The following FBXO34 variants were observed in gnomAD, a reference collection of about 807,000 sequenced individuals.
The protein encoded by FBXO34 is F-box only protein 34.
FBXO34 carries 12 observed loss-of-function variants against 24.5 expected under a neutral mutation model. That is an observed-to-expected ratio of 0.49 (90% confidence interval 0.31 to 0.79). The LOEUF is 0.79. Among genes scored for constraint, FBXO34 ranks in the 30% least tolerant of loss-of-function variants. The pLI is 0.04. For missense variants in FBXO34, 823 were observed against 857.7 expected, an observed-to-expected ratio of 0.96 and a Z score of 0.51; for synonymous variants, 320 against 311.9, an observed-to-expected ratio of 1.03 and a Z score of -0.27.
At chr14:55,285,982 C>G (rs1881748310) in intron 1 of FBXO34, among the ~76,000 whole-genome samples, 1 of 152,296 alleles carries the variant, frequency 6.6e-6, no homozygotes, top group Middle Eastern at 3.4e-3. Flanking sequence ...TTTAGATGTT[C>G]AGTCAAAATT....
downstream of FBXO34, among the ~76,000 whole-genome samples, chr14:55,372,567 C>CT (rs1884843068): frequency 6.9e-6 from 1 of 144,360 alleles, no homozygotes; most frequent in African/African-American, 2.8e-5. Flanking sequence ...CCCTCCCTCC[C>CT]TTCTTTCCAT....
At chr14:55,414,752 G>C in the FBXO34 span, among the ~76,000 whole-genome samples, 2 of 152,196 alleles carry the variant, frequency 1.3e-5, no homozygotes, top group Admixed American at 1.3e-4. Context: ...TATGGCCTCA[G>C]AGTAATTTCA....
chr14:55,378,189 A>G, the FBXO34 span: 1 of 780,926 alleles, frequency 1.3e-6, no homozygotes, highest in Non-Finnish European at 2.1e-6. Context: ...TTTACTCCTT[A>G]GTAAATTGCA....
intron 1 of FBXO34, among the ~76,000 whole-genome samples, chr14:55,338,702 A>G (rs1014954756): frequency 1.3e-5 from 2 of 151,932 alleles, no homozygotes; most frequent in African/African-American, 4.8e-5. Flanking sequence ...AGGTCAGGAG[A>G]TCGAGACCAT....
chr14:55,372,730 C>G (rs1884847236), downstream of FBXO34, among the ~76,000 whole-genome samples: 1 of 152,000 alleles, frequency 6.6e-6, no homozygotes, highest in African/African-American at 2.4e-5. Context: ...TCTTTCCTCC[C>G]TCCCTCCAAG....
At chr14:55,394,770 A>C in the FBXO34 span, among the ~76,000 whole-genome samples, 1 of 152,210 alleles carries the variant, frequency 6.6e-6, no homozygotes, top group South Asian at 2.1e-4. Context: ...CATTAAATGC[A>C]GGACTGTGAC....
Position 55,351,069 on chromosome 14 carries a change from A to G in FBXO34, c.679A>G (p.Lys227Glu). The change falls in exon 2 of 2, where the codon AAA becomes GAA. Residue 227 changes from lysine (K) to glutamate (E), a missense_variant. Coordinates refer to ENST00000313833, the MANE Select transcript of FBXO34 (RefSeq NM_017943.4). ...CAGTGCTCTGCTAGCTAGCTGTTCA[A>G]AAAACTGCACAAACTCACCTGCAAT... ...RASALLASCSKNCTNSPAIVR... is the reference protein window; with the variant it reads ...RASALLASCSENCTNSPAIVR... 2 of 1,614,232 alleles carry G rather than the reference A, an allele frequency of 1.2e-6. No homozygotes were observed. Among genetic ancestry groups the G allele is most frequent in the Non-Finnish European group, 1.7e-6 (2 of 1,180,046 alleles).
chr14:55,404,860 G>A, the FBXO34 span, among the ~76,000 whole-genome samples: 1 of 152,172 alleles, frequency 6.6e-6, no homozygotes, highest in African/African-American at 2.4e-5. Context: ...CCAGGAGTAA[G>A]TCAGCCACAA....
chr14:55,314,848 A>C (rs988080525), intron 1 of FBXO34, among the ~76,000 whole-genome samples: 5 of 152,214 alleles, frequency 3.3e-5, no homozygotes, highest in African/African-American at 1.2e-4. Flanking sequence ...CTTGTTTTGA[A>C]AAGTGTCAGT....
the FBXO34 span, among the ~76,000 whole-genome samples, chr14:55,426,319 A>G: frequency 6.6e-6 from 1 of 152,114 alleles, no homozygotes; most frequent in Non-Finnish European, 1.5e-5. Flanking sequence ...CTCATTGACA[A>G]CTGTGGAAAT....
chr14:55,431,319 A>C, the FBXO34 span, among the ~76,000 whole-genome samples: 2 of 152,246 alleles, frequency 1.3e-5, no homozygotes, highest in Non-Finnish European at 2.9e-5. Flanking sequence ...AATTCAGATA[A>C]GAAAAGACAC....
chr14:55,362,385 T>C (rs1884604754), downstream of FBXO34, among the ~76,000 whole-genome samples: 1 of 152,158 alleles, frequency 6.6e-6, no homozygotes, highest in East Asian at 1.9e-4. Flanking sequence ...GTGAGAATTA[T>C]CAAAATGTCA....
In FBXO34 at chr14:55,350,542, C is replaced by T. The variant is rs1045859627; in HGVS notation, c.152C>T (p.Ala51Val). The T allele has an allele frequency of 2.5e-6, 4 of 1,613,580 alleles. No individual in the cohort carries two copies. The highest frequency in any genetic ancestry group is 3.4e-6 in the Non-Finnish European group (4 of 1,179,934). Residue 51 changes from alanine (A) to valine (V), a missense_variant, in exon 2 of 2, where the codon GCC becomes GTC. Ala to Val is a moderately conservative substitution (Grantham distance 64, BLOSUM62 0). Coordinates refer to ENST00000313833, the MANE Select transcript of FBXO34 (RefSeq NM_017943.4). ...ATAACATCAAGTGTCTTTCCTTCAGCCTCTCTCGGTAAAGCATCATCTCGA... is the reference window on the plus strand; with the variant it reads ...ATAACATCAAGTGTCTTTCCTTCAGTCTCTCTCGGTAAAGCATCATCTCGA... ...SHITSSVFPS[A>V]SLGKASSRKP...
chr14:55,312,235 C>T (rs971648634), intron 1 of FBXO34, among the ~76,000 whole-genome samples: 6 of 152,044 alleles, frequency 3.9e-5, no homozygotes, highest in African/African-American at 1.4e-4. Flanking sequence ...CCTTAAAGTT[C>T]CAAAATGATC....
chr14:55,402,973 A>ATATATG, the FBXO34 span, among the ~76,000 whole-genome samples: 3 of 109,426 alleles, frequency 2.7e-5, no homozygotes, highest in South Asian at 3.5e-4. Context: ...ATATATAAAT[A>ATATATG]GCTGGGCATA....
At chr14:55,434,730 T>C in the FBXO34 span, among the ~76,000 whole-genome samples, 4 of 152,364 alleles carry the variant, frequency 2.6e-5, no homozygotes, top group Admixed American at 2.0e-4. Flanking sequence ...AGCTTTATTG[T>C]ATTCGGGTAA....
At chr14:55,312,637 C>A (rs1410364257) in intron 1 of FBXO34, among the ~76,000 whole-genome samples, 8 of 152,228 alleles carry the variant, frequency 5.3e-5, no homozygotes, top group Non-Finnish European at 1.2e-4. Context: ...AACCTCAATT[C>A]TTGACTTTCG....
chr14:55,383,460 A>G, the FBXO34 span, among the ~76,000 whole-genome samples: 2 of 152,156 alleles, frequency 1.3e-5, no homozygotes, highest in Non-Finnish European at 2.9e-5. Flanking sequence ...CTAAGGCAGG[A>G]GAATTGCTTG....
chr14:55,321,982 A>G (rs1176692901), intron 1 of FBXO34, among the ~76,000 whole-genome samples: 4 of 152,238 alleles, frequency 2.6e-5, no homozygotes, highest in Non-Finnish European at 5.9e-5. Context: ...GCTGCAAAAA[A>G]ATCTCTAACT....
Sources: gnomAD v4.1 joint callset for allele counts (sites outside exome capture counted in the v4.1 genomes callset) on GRCh38, gnomAD v4.1.1 for gene constraint, MANE v1.5 for transcripts, NCBI Gene and HGNC (gene_info 2026-07-23, HGNC 2026-07-21) for gene names.